The following HERC2 variants were observed in gnomAD, a reference collection of about 807,000 sequenced individuals.
HERC2 encodes the protein HECT and RLD domain containing E3 ubiquitin protein ligase 2, also known as E3 ubiquitin-protein ligase HERC2.
HERC2 carries 102 observed loss-of-function variants against 537.7 expected under a neutral mutation model. The observed-to-expected ratio is 0.19, with a 90% CI of 0.16 to 0.22. HERC2 has a LOEUF of 0.22. Ranked by LOEUF, HERC2 falls within the 10% of genes least tolerant of loss-of-function variation. The pLI is 1.00. For synonymous variants in HERC2, 2,224 were observed against 2,466.2 expected, an observed-to-expected ratio of 0.90 and a Z score of 2.91; for missense variants, 4,236 against 6,198.2, an observed-to-expected ratio of 0.68 and a Z score of 10.63.
intron 4 of HERC2, among the ~76,000 whole-genome samples, chr15:28,281,805 C>T (rs1487574800): frequency 6.6e-6 from 1 of 152,230 alleles, no homozygotes; most frequent in Non-Finnish European, 1.5e-5. Flanking sequence ...CACCGAGCCA[C>T]CCTTCAGGCA....
intron 65 of HERC2, among the ~76,000 whole-genome samples, chr15:28,171,903 T>A (rs1356127737): frequency 6.6e-6 from 1 of 151,778 alleles, no homozygotes; most frequent in East Asian, 1.9e-4. Flanking sequence ...TGAAACCCCG[T>A]CTCTACTAAA....
intron 70 of HERC2, among the ~76,000 whole-genome samples, chr15:28,152,383 G>T (rs1566948223): frequency 6.6e-6 from 1 of 152,226 alleles, no homozygotes; most frequent in Admixed American, 6.5e-5. Context: ...AACATCAGGG[G>T]ATACACTGAG....
At chr15:28,129,662 A>G (rs1321185564) in intron 83 of HERC2, among the ~76,000 whole-genome samples, 1 of 152,252 alleles carries the variant, frequency 6.6e-6, no homozygotes, top group African/African-American at 2.4e-5. Context: ...TGCACAGCCC[A>G]GTAATAAGTA....
rs943081235 is a variant in HERC2 at position 28,233,701 on chromosome 15, G to A, written c.4314C>T (p.Arg1438=). 2 of 1,613,910 alleles carry A rather than the reference G, an allele frequency of 1.2e-6. No individual in the cohort carries two copies. The highest frequency in any genetic ancestry group is 1.7e-6 in the Non-Finnish European group (2 of 1,179,834). ...PPEHPVEEVG[R]LLLCCLLKHE... ...GTTTTAAGAGGCAACATAACAACAA[G>A]CGACCGACCTCTTCCACGGGATGCT... Residue 1438 remains arginine (R), a synonymous_variant, in exon 28 of 93, where the codon CGC becomes CGT. Transcript: ENST00000261609.
rs779669104 is a variant in HERC2 at position 28,177,370 on chromosome 15, T to C, written c.9254+49A>G. On this transcript the variant is annotated intron_variant, in intron 60 of 92. Coordinates refer to ENST00000261609, the MANE Select transcript of HERC2 (RefSeq NM_004667.6). The surrounding 1 kb of genome is among the most constrained non-coding windows in gnomAD (Gnocchi z 5.0). ...GCAAAATAATTCTCAAGAGTATCAG[T>C]CAGAAACAGTTTCTTATTAGCAAAT... 4.6e-5 allele frequency: 70 copies of C among 1,521,654 alleles called. No individual in the cohort carries two copies. Among genetic ancestry groups the C allele is most frequent in the Middle Eastern group, 1.7e-4 (1 of 5,890 alleles). The allele number at this position is 1,521,654 out of a possible 1,614,324, so 94.3% of individuals were successfully genotyped here. A position where few individuals can be genotyped will look rare whatever the true frequency, so the allele number is the denominator to read the frequency against.
intron 2 of HERC2, among the ~76,000 whole-genome samples, chr15:28,306,928 A>G (rs1053188350): frequency 1.3e-5 from 2 of 152,210 alleles, no homozygotes; most frequent in African/African-American, 4.8e-5. Context: ...TCCACCTCCC[A>G]GGCTCAAGTG....
Position 28,179,013 on chromosome 15 carries a change from C to T in HERC2, c.9037G>A (p.Val3013Met), listed in dbSNP as rs543941865. 31 of 1,613,954 alleles carry T rather than the reference C, an allele frequency of 1.9e-5. No homozygotes were observed. Among genetic ancestry groups the T allele is most frequent in the Middle Eastern group, 1.6e-4 (1 of 6,082 alleles). ...TTCGTGGCTTCTCCACAGGCATACACCTTCCCTTCCACAGTCACTGCAAGG... is the reference window on the plus strand; with the variant it reads ...TTCGTGGCTTCTCCACAGGCATACATCTTCCCTTCCACAGTCACTGCAAGG... ...SLFAVTVEGK[V>M]YACGEATNGR... The change falls in exon 59 of 93, where the codon GTG becomes ATG. Residue 3013 changes from valine (V) to methionine (M), a missense_variant. This residue lies in a region of HERC2 where 606 missense variants were observed against 884.5 expected (regional missense o/e 0.69). Transcript: ENST00000261609.
intron 2 of HERC2, among the ~76,000 whole-genome samples, chr15:28,302,926 G>A (rs1170631288): frequency 6.6e-6 from 1 of 151,904 alleles, no homozygotes; most frequent in African/African-American, 2.4e-5. Context: ...CAGATGGGTA[G>A]TTTGCAAATA....
rs1567048093 is a variant in HERC2 at position 28,233,003 on chromosome 15, G to GT, written c.4675+142dup. On this transcript the variant is annotated intron_variant, in intron 30 of 92. Transcript: ENST00000261609. ...ACAAGCGAGATTTCTGTATTTAATC[G>GT]TAACTGTAATAAAAATGATGGCAGC... is the stretch of plus-strand genomic sequence containing the variant. The GT allele has an allele frequency of 8.5e-5, 56 of 656,616 alleles. 1 individual carries two copies. In the South Asian group the frequency reaches 9.5e-4, roughly 11 times the overall value. 40.7% of individuals were successfully genotyped at this position (656,616 alleles called of 1,614,324 possible). A position where few individuals can be genotyped will look rare whatever the true frequency, so the allele number is the denominator to read the frequency against.
At chr15:28,308,494 A>G (rs962963083) in intron 2 of HERC2, among the ~76,000 whole-genome samples, 6 of 152,222 alleles carry the variant, frequency 3.9e-5, no homozygotes, top group African/African-American at 1.4e-4. Flanking sequence ...ATCATCTGCA[A>G]ACAAGGATAA....
Position 28,292,948 on chromosome 15 carries a change from G to C in HERC2, c.262C>G (p.Pro88Ala), listed in dbSNP as rs1486060624. 4 of 1,611,182 alleles carry C rather than the reference G, an allele frequency of 2.5e-6. No individual in the cohort carries two copies. The highest frequency in any genetic ancestry group is 3.4e-6 in the Non-Finnish European group (4 of 1,179,396). The part of the protein sequence containing the change: ...DKEKKDEEET[P>A]APIYRAKSIL... ...GACTTGGCCCTATATATAGGTGCAG[G>C]AGTTTCTTCTTCATCTTTTTTCTCT... The change falls in exon 4 of 93, where the codon CCT becomes GCT. Residue 88 changes from proline to alanine, a missense_variant. By Grantham distance (27) the Pro-to-Ala change is conservative. Transcript: ENST00000261609.
intron 2 of HERC2, among the ~76,000 whole-genome samples, chr15:28,304,123 G>A (rs1205589108): frequency 3.3e-5 from 4 of 121,722 alleles, no homozygotes; most frequent in African/African-American, 6.5e-5. Flanking sequence ...CCGAGATTGC[G>A]CCATTGCTTT....
rs367950391 is a variant in HERC2 at position 28,263,400 on chromosome 15, A to G, written c.1871-231T>C. ...TTTTCTTTTTGTTTTCATTCCATGAAAAACAAAGTCCTGACTCTTACTAGC... is the reference window on the plus strand; with the variant it reads ...TTTTCTTTTTGTTTTCATTCCATGAGAAACAAAGTCCTGACTCTTACTAGC... On this transcript the variant is annotated intron_variant, in intron 14 of 92. Coordinates refer to ENST00000261609, the MANE Select transcript of HERC2 (RefSeq NM_004667.6). Among the ~76,000 whole-genome samples the G allele has an allele frequency of 2.6e-5, 4 of 152,322 alleles. No individual in the cohort carries two copies. The East Asian group carries it at 5.8e-4, about 22-fold the overall frequency.
rs750894362 is a variant in HERC2 at position 28,269,291 on chromosome 15, C to T, written c.1403G>A (p.Arg468His). The change falls in exon 11 of 93, where the codon CGC (arginine) becomes CAC (histidine). Residue 468 changes from arginine (R) to histidine (H), a missense_variant. Physicochemically the swap from Arg to His is conservative, Grantham distance 29. This residue lies in a region of HERC2 where 491 missense variants were observed against 559.3 expected (regional missense o/e 0.88). Transcript: ENST00000261609. ...CAEKRFLILS[R>H]NGRVYTQAYN... ...GGCCTGTGTGTACACGCGGCCATTG[C>T]GTGACAGAATCAGGAAACGCTTCTC... 6.8e-6 allele frequency: 11 copies of T among 1,614,068 alleles called. No individual in the cohort carries two copies. Among genetic ancestry groups the T allele is most frequent in the Middle Eastern group, 1.6e-4 (1 of 6,062 alleles).
chr15:28,181,877 T>C (rs1895855177), intron 57 of HERC2, among the ~76,000 whole-genome samples: 1 of 152,226 alleles, frequency 6.6e-6, no homozygotes, highest in Non-Finnish European at 1.5e-5. Context: ...AATGAGATCA[T>C]GGCGCTCTCC....
At chr15:28,197,229 TCAAA>T (rs1464288077) in intron 50 of HERC2, among the ~76,000 whole-genome samples, 5 of 152,318 alleles carry the variant, frequency 3.3e-5, no homozygotes, top group African/African-American at 4.8e-5. Context: ...TCCACAAGGT[TCAAA>T]CAAACAAATA....
chr15:28,163,554 T>C (rs991948390), intron 68 of HERC2, among the ~76,000 whole-genome samples: 7 of 152,206 alleles, frequency 4.6e-5, no homozygotes, highest in African/African-American at 1.4e-4. Flanking sequence ...AATGACAATT[T>C]ATTACTGGGA....
chr15:28,255,906 G>A lies in HERC2; in HGVS notation c.2837C>T (p.Ser946Leu), dbSNP rs1567078265. The change falls in exon 19 of 93, where the codon TCA becomes TTA. Residue 946 changes from serine (S) to leucine (L), a missense_variant. Physicochemically the swap from Ser to Leu is moderately radical, Grantham distance 145. Coordinates refer to ENST00000261609, the MANE Select transcript of HERC2 (RefSeq NM_004667.6). The part of the protein sequence containing the change: ...GSLMADGGLE[S>L]ALHAAITAEI... ...TGCAGTAATGGCTGCGTGTAAGGCT[G>A]ACTCCAACCCTCCATCAGCCATCAA... The A allele has an allele frequency of 6.2e-7, 1 of 1,602,438 alleles. No individual in the cohort carries two copies.
rs1482596689 is a variant in HERC2, at chr15:28,246,075, A to T, written c.3392-9T>A. The T allele has an allele frequency of 6.6e-7, 1 of 1,526,396 alleles. No homozygotes were observed. The highest frequency in any genetic ancestry group is 2.3e-5 in the East Asian group (1 of 44,174). The allele number at this position is 1,526,396 out of a possible 1,614,324, so 94.6% of individuals were successfully genotyped here. On this transcript the variant is annotated splice_polypyrimidine_tract_variant and intron_variant, in intron 22 of 92. Transcript: ENST00000261609. Reference sequence around the variant, plus strand: ...TTCTGGAAGGAGAACACCTACATTTAAGAAATAATAAGATTTAAATAAGTA... The same window carrying T: ...TTCTGGAAGGAGAACACCTACATTTTAGAAATAATAAGATTTAAATAAGTA...
Sources: allele counts gnomAD v4.1 joint callset (sites outside exome capture counted in the v4.1 genomes callset), GRCh38; gene constraint gnomAD v4.1.1; regional missense constraint gnomAD v4.1.1; non-coding constraint Gnocchi (gnomAD v3.1); transcripts MANE v1.5; gene names NCBI Gene and HGNC (gene_info 2026-07-23, HGNC 2026-07-21).